CMIP: variants seen among roughly 807,000 people sequenced by gnomAD.
The protein encoded by CMIP is C-Maf-inducing protein.
Under a neutral mutation model 97.3 loss-of-function variants are expected in CMIP, and 13 were observed. The observed-to-expected ratio is 0.13, with a 90% CI of 0.09 to 0.21. CMIP has a LOEUF of 0.21. Among genes scored for constraint, CMIP ranks in the 10% least tolerant of loss-of-function variants. The probability of loss-of-function intolerance (pLI) is 1.00; values close to 1 mark genes in which losing one functional copy is unlikely to be tolerated. For synonymous variants in CMIP, 538 were observed against 436.3 expected (o/e 1.23, Z -2.91); for missense variants, 847 against 1,024.9 (o/e 0.83, Z 2.37).
At chr16:81,584,717 A>G (rs1226097650) in intron 1 of CMIP, among the ~76,000 whole-genome samples, 2 of 152,158 alleles carry the variant, frequency 1.3e-5, no homozygotes, top group Non-Finnish European at 2.9e-5. Flanking sequence ...TTATCAACAC[A>G]TCGTGAGATG....
At chr16:81,582,517 C>G (rs2091312881) in intron 1 of CMIP, among the ~76,000 whole-genome samples, 2 of 152,174 alleles carry the variant, frequency 1.3e-5, no homozygotes, top group East Asian at 1.9e-4. Flanking sequence ...TTGTAAGGAC[C>G]TCTGAGCTTT....
chr16:81,606,813 C>T (rs537154090), intron 1 of CMIP: 4 of 154,658 alleles, frequency 2.6e-5, no homozygotes, highest in Non-Finnish European at 5.8e-5. Context: ...CAGGTTGGGT[C>T]ATGAGTCTAG....
intron 3 of CMIP, among the ~76,000 whole-genome samples, chr16:81,638,878 C>G (rs550343125): frequency 2.0e-5 from 3 of 152,120 alleles, no homozygotes; most frequent in East Asian, 3.9e-4. Context: ...GGCGCCTGTT[C>G]TAGTCCATGA....
chr16:81,597,599 G>A (rs571942853), intron 1 of CMIP, among the ~76,000 whole-genome samples: 18 of 151,610 alleles, frequency 1.2e-4, no homozygotes, highest in South Asian at 4.2e-4. Flanking sequence ...GGAGCGGGGG[G>A]GGGGGAGTCT....
chr16:81,445,994 C>G (rs896788663), intron 1 of CMIP, among the ~76,000 whole-genome samples: 4 of 151,920 alleles, frequency 2.6e-5, no homozygotes, highest in Non-Finnish European at 5.9e-5. Flanking sequence ...ACAACAAAAC[C>G]TCCAAACCCC....
intron 1 of CMIP, among the ~76,000 whole-genome samples, chr16:81,481,828 A>T (rs1476210766): frequency 1.3e-5 from 2 of 148,952 alleles, no homozygotes; most frequent in Non-Finnish European, 3.0e-5. Context: ...CATCACTCCA[A>T]CCTCTGCTTC....
chr16:81,445,666 A>G lies in CMIP; in HGVS notation c.300+125A>G, dbSNP rs938172443. On this transcript the variant is annotated intron_variant, in intron 1 of 20. Transcript: ENST00000537098. ...GGGGGCGGTGGGGGGTGCCGGGGGAACGGGGAGAACCAGGGCGCCTCGCTC... is the reference window on the plus strand; with the variant it reads ...GGGGGCGGTGGGGGGTGCCGGGGGAGCGGGGAGAACCAGGGCGCCTCGCTC... 3 of 1,097,238 alleles carry G rather than the reference A, an allele frequency of 2.7e-6. No individual in the cohort carries two copies. In the African/African-American group the frequency reaches 4.8e-5, roughly 17 times the overall value. 68.0% of individuals were successfully genotyped at this position (1,097,238 alleles called of 1,614,324 possible).
At chr16:81,703,869 G>C in intron 17 of CMIP, 70 bp from the exon 18 acceptor site, 1 of 1,518,838 alleles carries the variant, frequency 6.6e-7, no homozygotes, top group Non-Finnish European at 8.8e-7. Context: ...AGGAGGATAG[G>C]GGATAGGAGG....
chr16:81,491,451 A>G (rs2089404739), intron 1 of CMIP, among the ~76,000 whole-genome samples: 2 of 152,184 alleles, frequency 1.3e-5, no homozygotes, highest in Admixed American at 1.3e-4. Context: ...TGTGTGGGAA[A>G]GCCCTCTGTG....
intron 7 of CMIP, among the ~76,000 whole-genome samples, chr16:81,668,527 C>T (rs2092636221): frequency 6.6e-6 from 1 of 152,158 alleles, no homozygotes; most frequent in Non-Finnish European, 1.5e-5. Context: ...GCACGGCAGC[C>T]ACCACATATG....
chr16:81,564,217 C>G lies in CMIP; in HGVS notation c.301-43350C>G, dbSNP rs188676384. Reference sequence around the variant, plus strand: ...TCACACAGGCAAGGAAGCTGGGCACCCGGGGGTGGGGTGCTGAGAATAGAC... The same window carrying G: ...TCACACAGGCAAGGAAGCTGGGCACGCGGGGGTGGGGTGCTGAGAATAGAC... On this transcript the variant is annotated intron_variant, in intron 1 of 20. Coordinates refer to ENST00000537098, the MANE Select transcript of CMIP (RefSeq NM_198390.3). 7.2e-5 allele frequency among the ~76,000 whole-genome samples: 11 copies of G among 152,268 alleles called. No individual in the cohort carries two copies. In the East Asian group the frequency reaches 2.1e-3, roughly 29 times the overall value.
chr16:81,594,171 G>A (rs180805155), intron 1 of CMIP, among the ~76,000 whole-genome samples: 106 of 146,138 alleles, frequency 7.3e-4, no homozygotes, highest in African/African-American at 2.2e-3. Context: ...GGGCTGGAGC[G>A]CACTGGTGCA....
rs1486686596 is a variant in CMIP, at chr16:81,652,335, C to T, written c.610C>T (p.Leu204=). 1 of 1,613,858 alleles carries T rather than the reference C, an allele frequency of 6.2e-7. No individual in the cohort carries two copies. Among genetic ancestry groups the T allele is most frequent in the East Asian group, 2.2e-5 (1 of 44,886 alleles). Residue 204 remains leucine, a synonymous_variant, in exon 4 of 21, where the codon CTG becomes TTG. Coordinates refer to ENST00000537098, the MANE Select transcript of CMIP (RefSeq NM_198390.3). This position sits in a 1 kb window ranked among gnomAD's most constrained non-coding sequence, Gnocchi z 5.2. ...LQDDSINQAP[L]EIVSKLLSEN... ...GGATGACTCCATCAACCAGGCCCCA[C>T]TGGAAATCGTCTCGAAACTGCTCTC...
intron 1 of CMIP, among the ~76,000 whole-genome samples, chr16:81,498,026 G>GTTCA (rs2089524615): frequency 6.6e-6 from 1 of 152,202 alleles, no homozygotes; most frequent in African/African-American, 2.4e-5. Flanking sequence ...TTGTTGGTCT[G>GTTCA]TTCATTCATT....
At chr16:81,457,174 A>ACC (rs138067921) in intron 1 of CMIP, among the ~76,000 whole-genome samples, 15 of 146,784 alleles carry the variant, frequency 1.0e-4, no homozygotes, top group East Asian at 4.0e-4. Context: ...AACCCCTCCG[A>ACC]CCCCCCCGCC....
At position 81,652,346 on chromosome 16, in the gene CMIP, C is replaced by T. The variant is rs1179266291; in HGVS notation, c.621C>T (p.Val207=). Residue 207 remains valine (V), a synonymous_variant, in exon 4 of 21, where the codon GTC becomes GTT. Transcript: ENST00000537098. The surrounding 1 kb of genome is among the most constrained non-coding windows in gnomAD (Gnocchi z 5.2). The part of the protein sequence containing the change: ...DSINQAPLEI[V]SKLLSENTNL... ...TCAACCAGGCCCCACTGGAAATCGT[C>T]TCGAAACTGCTCTCAGAGGTAAAAC... 6.2e-7 allele frequency: 1 copy of T among 1,613,578 alleles called. No individual in the cohort carries two copies. Among genetic ancestry groups the T allele is most frequent in the Admixed American group, 1.7e-5 (1 of 59,980 alleles).
chr16:81,653,493 C>G (rs183856992), intron 4 of CMIP, among the ~76,000 whole-genome samples: 5 of 152,336 alleles, frequency 3.3e-5, no homozygotes, highest in Admixed American at 6.5e-5. Context: ...GTTGGGAGAC[C>G]AGCATCGTTC....
intron 1 of CMIP, among the ~76,000 whole-genome samples, chr16:81,555,983 G>T (rs1357448502): frequency 1.3e-5 from 2 of 152,182 alleles, no homozygotes; most frequent in Non-Finnish European, 2.9e-5. Flanking sequence ...GAGCTCCATT[G>T]TGACTGTTAC....
chr16:81,709,670 C>G (rs542736030), intron 20 of CMIP, 76 bp from the exon 21 acceptor site: 2 of 1,536,340 alleles, frequency 1.3e-6, no homozygotes, highest in African/African-American at 2.7e-5. Flanking sequence ...GCCGGCAATG[C>G]GGGTGGAGCC....
Sources: gnomAD v4.1 joint callset for allele counts (sites outside exome capture counted in the v4.1 genomes callset) on GRCh38, gnomAD v4.1.1 for gene constraint, Gnocchi (gnomAD v3.1) non-coding constraint, MANE v1.5 for transcripts, NCBI Gene and HGNC (gene_info 2026-07-23, HGNC 2026-07-21) for gene names.